Variants in HDAC4 observed in about 807,000 individuals in gnomAD.
HDAC4 encodes the protein histone deacetylase A.
Under a neutral mutation model 135.1 loss-of-function variants are expected in HDAC4, and 16 were observed. That is an observed-to-expected ratio of 0.12 (90% CI 0.08 to 0.18). The LOEUF is 0.18. Ranked by LOEUF, HDAC4 falls within the 10% of genes least tolerant of loss-of-function variation. The pLI, the probability that HDAC4 is intolerant of heterozygous loss-of-function variation, is 1.00. For missense variants in HDAC4, 1,143 were observed against 1,511.8 expected (o/e 0.76, Z 4.05); for synonymous variants, 685 against 653.4 (o/e 1.05, Z -0.74).
At chr2:239,057,701 C>T (rs1325420131) in intron 24 of HDAC4, among the ~76,000 whole-genome samples, 1 of 152,194 alleles carries the variant, frequency 6.6e-6, no homozygotes, top group Non-Finnish European at 1.5e-5. Context: ...AAAGACCTGC[C>T]TCCTCACAAA....
intron 1 of HDAC4, among the ~76,000 whole-genome samples, chr2:239,377,967 A>G (rs1202978163): frequency 2.6e-5 from 4 of 152,266 alleles, no homozygotes; most frequent in African/African-American, 9.6e-5. Context: ...TAGGAGTTCT[A>G]TGGACATCAA....
At chr2:239,123,621 C>T (rs1422898085) in intron 12 of HDAC4, among the ~76,000 whole-genome samples, 1 of 152,232 alleles carries the variant, frequency 6.6e-6, no homozygotes. Context: ...CGACTCAGCC[C>T]CACTGGACCG....
Position 239,306,412 on chromosome 2 carries a change from T to C in HDAC4, c.22+46266A>G, listed in dbSNP as rs1310531978. On this transcript the variant is annotated intron_variant, in intron 2 of 26. Transcript: ENST00000543185. The surrounding 1 kb of genome is among the most constrained non-coding windows in gnomAD (Gnocchi z 4.5). ...TCAGAGGCCACCTGGCCAGGCCCCA[T>C]CCACGGATGTGTCCCTGCCCAGGTG... is the stretch of plus-strand genomic sequence containing the variant. Among the ~76,000 whole-genome samples the C allele has an allele frequency of 6.6e-6, 1 of 151,804 alleles. No homozygotes were observed. Among genetic ancestry groups the C allele is most frequent in the Non-Finnish European group, 1.5e-5 (1 of 67,966 alleles).
intron 2 of HDAC4, among the ~76,000 whole-genome samples, chr2:239,311,039 G>A (rs952743732): frequency 6.6e-6 from 1 of 152,230 alleles, no homozygotes. Flanking sequence ...CTGCGCGGTC[G>A]CGGTCTGACA....
At chr2:239,314,108 G>A (rs1448782225) in intron 2 of HDAC4, among the ~76,000 whole-genome samples, 1 of 152,172 alleles carries the variant, frequency 6.6e-6, no homozygotes, top group Non-Finnish European at 1.5e-5. Context: ...CATGAGGCCT[G>A]ATGAGCATCC....
intron 2 of HDAC4, among the ~76,000 whole-genome samples, chr2:239,259,649 A>G (rs1030853461): frequency 6.6e-6 from 1 of 152,250 alleles, no homozygotes; most frequent in Non-Finnish European, 1.5e-5. Flanking sequence ...TAAACTCATA[A>G]AAGTGAAAGG....
chr2:239,185,559 C>T (rs2044495332), intron 4 of HDAC4, among the ~76,000 whole-genome samples: 2 of 152,008 alleles, frequency 1.3e-5, no homozygotes, highest in Admixed American at 1.3e-4. Flanking sequence ...GAGATGCACC[C>T]TGAGGTGGGT....
rs949015696 is a variant in HDAC4, at chr2:239,235,107, T to C, written c.94+1486A>G. 2.6e-5 allele frequency among the ~76,000 whole-genome samples: 4 copies of C among 152,068 alleles called. No homozygotes were observed. In the East Asian group the frequency reaches 7.7e-4, roughly 29 times the overall value. On this transcript the variant is annotated intron_variant, in intron 3 of 26. Transcript: ENST00000543185. ...TCCCCACCGCTCCCCCAGGCTCCAG[T>C]GTGCTGGGGTAAAAAATAAACTGCT...
chr2:239,158,675 T>C (rs929442065), intron 6 of HDAC4, among the ~76,000 whole-genome samples: 3 of 152,106 alleles, frequency 2.0e-5, no homozygotes, highest in East Asian at 1.9e-4. Context: ...ACCTCCTGCA[T>C]AGCCCAGCTC....
chr2:239,296,813 A>G (rs1168765407), intron 2 of HDAC4, among the ~76,000 whole-genome samples: 4 of 152,054 alleles, frequency 2.6e-5, no homozygotes, highest in Non-Finnish European at 5.9e-5. Flanking sequence ...CGGGGCAGAT[A>G]TATTTAGAAA....
In HDAC4 at chr2:239,366,346, G is replaced by A. The variant is rs535659370; in HGVS notation, c.-219-13428C>T. On this transcript the variant is annotated intron_variant, in intron 1 of 26. Transcript: ENST00000543185. ...GATGAACGCACAAGAATAACTGTCC[G>A]TTAGCAGCAACAGAGCATCAGCTTT... Among the ~76,000 whole-genome samples, 17 of 152,338 alleles carry A rather than the reference G, an allele frequency of 1.1e-4. No homozygotes were observed. In the South Asian group the frequency reaches 3.1e-3, roughly 28 times the overall value.
intron 13 of HDAC4, among the ~76,000 whole-genome samples, chr2:239,114,463 T>A (rs376462998): frequency 6.6e-6 from 1 of 152,248 alleles, no homozygotes; most frequent in Admixed American, 6.5e-5. Context: ...TAGGTATTTC[T>A]GCTGACTCAG....
chr2:239,184,044 G>A (rs769445779), intron 4 of HDAC4, among the ~76,000 whole-genome samples: 3 of 99,904 alleles, frequency 3.0e-5, no homozygotes, highest in Non-Finnish European at 5.4e-5. Flanking sequence ...ACAAGCACAC[G>A]AAAAAGAGGC....
chr2:239,354,671 T>C (rs1693379986), intron 1 of HDAC4, among the ~76,000 whole-genome samples: 2 of 150,524 alleles, frequency 1.3e-5, no homozygotes, highest in South Asian at 2.1e-4. Flanking sequence ...GCTATCTAGA[T>C]GCTTTCCAAC....
chr2:239,261,180 G>GC, intron 2 of HDAC4, among the ~76,000 whole-genome samples: 1 of 152,174 alleles, frequency 6.6e-6, no homozygotes, highest in Non-Finnish European at 1.5e-5. Context: ...ATAAGACTGA[G>GC]CCCAGCTGGC....
chr2:239,305,639 G>A (rs2052537313), intron 2 of HDAC4: 1 of 152,516 alleles, frequency 6.6e-6, no homozygotes. Flanking sequence ...TGGACTTGTA[G>A]GTAAATGAAT....
chr2:239,286,716 C>T (rs994003186), intron 2 of HDAC4, among the ~76,000 whole-genome samples: 5 of 149,534 alleles, frequency 3.3e-5, no homozygotes, highest in South Asian at 2.1e-4. Flanking sequence ...GAAGATGTGA[C>T]GAGCAGCCAG....
At chr2:239,164,011 A>T in intron 5 of HDAC4, 88 bp from the exon 6 acceptor site, 2 of 1,513,454 alleles carry the variant, frequency 1.3e-6, no homozygotes, top group Non-Finnish European at 1.8e-6. Flanking sequence ...GAGGGAGGGA[A>T]GGGCTGGGGA....
intron 7 of HDAC4, among the ~76,000 whole-genome samples, chr2:239,152,620 CGAG>C (rs1373016262): frequency 2.0e-5 from 3 of 152,196 alleles, no homozygotes; most frequent in African/African-American, 7.2e-5. Flanking sequence ...AAGCCAGGAG[CGAG>C]GAGATGAGCC....
Sources: gnomAD v4.1 joint callset for allele counts (sites outside exome capture counted in the v4.1 genomes callset) on GRCh38, gnomAD v4.1.1 for gene constraint, Gnocchi (gnomAD v3.1) non-coding constraint, MANE v1.5 for transcripts, NCBI Gene and HGNC (gene_info 2026-07-23, HGNC 2026-07-21) for gene names.